The following TNFSF13B variants were observed in gnomAD, a reference collection of about 807,000 sequenced individuals.
The protein encoded by TNFSF13B is TNF superfamily member 13b.
A neutral mutation model predicts 29.1 loss-of-function variants in TNFSF13B; 8 were observed. The observed-to-expected ratio is 0.27, with a 90% CI of 0.16 to 0.50. The LOEUF (loss-of-function observed/expected upper bound fraction) is 0.50. TNFSF13B is among the 20% of genes least tolerant of loss of function. The pLI, the probability that TNFSF13B is intolerant of heterozygous loss-of-function variation, is 0.98. For synonymous variants in TNFSF13B, 125 were observed against 130.8 expected (o/e 0.96, Z 0.30); for missense variants, 248 against 334.9 (o/e 0.74, Z 2.03).
intron 3 of TNFSF13B, among the ~76,000 whole-genome samples, chr13:108,288,970 C>T (rs923935466): frequency 3.9e-5 from 6 of 152,040 alleles, no homozygotes; most frequent in African/African-American, 1.4e-4. Flanking sequence ...TTTAATTGTC[C>T]TAAATGCAAC....
intron 2 of TNFSF13B, among the ~76,000 whole-genome samples, chr13:108,276,172 G>A (rs1566398371): frequency 6.6e-6 from 1 of 152,194 alleles, no homozygotes; most frequent in Non-Finnish European, 1.5e-5. Flanking sequence ...TGTAGAACTT[G>A]ACCATCCAGC....
At chr13:108,299,460 T>C (rs1881550359) in intron 3 of TNFSF13B, among the ~76,000 whole-genome samples, 1 of 109,496 alleles carries the variant, frequency 9.1e-6, no homozygotes, top group Non-Finnish European at 2.1e-5. Flanking sequence ...AGTTGTTCAC[T>C]TGTTTAGTAA....
At chr13:108,284,329 A>T (rs1231633206) in intron 2 of TNFSF13B, among the ~76,000 whole-genome samples, 9 of 139,722 alleles carry the variant, frequency 6.4e-5, no homozygotes, top group Non-Finnish European at 1.1e-4. Flanking sequence ...ACTCCGTCTC[A>T]AAAAATAAAT....
intron 2 of TNFSF13B, among the ~76,000 whole-genome samples, chr13:108,277,525 G>A (rs1194292267): frequency 6.6e-6 from 1 of 152,122 alleles, no homozygotes; most frequent in African/African-American, 2.4e-5. Flanking sequence ...CCCCCGGAGA[G>A]GGTTCTTGGA....
At chr13:108,301,326 A>G (rs936801199) in intron 3 of TNFSF13B, 9 of 152,222 alleles carry the variant, frequency 5.9e-5, no homozygotes, top group African/African-American at 2.2e-4. Flanking sequence ...TGGTGTGACC[A>G]TAGAAGAGAT....
In TNFSF13B at chr13:108,270,020, C is replaced by G; in HGVS notation, c.125C>G (p.Ser42Cys). 1.2e-6 allele frequency: 2 copies of G among 1,612,810 alleles called. No homozygotes were observed. The highest frequency in any genetic ancestry group is 1.7e-6 in the Non-Finnish European group (2 of 1,180,022). Residue 42 changes from serine to cysteine, a missense_variant, in exon 1 of 6, where the codon TCC becomes TGC. Transcript: ENST00000375887. ...AAGGAAAGCCCCTCTGTCCGATCCT[C>G]CAAAGACGGAAAGCTGCTGGCTGCA... ...PRKESPSVRS[S>C]KDGKLLAATL...
chr13:108,269,825 T>C lies in TNFSF13B; in HGVS notation c.-71T>C. The C allele has an allele frequency of 2.2e-6, 3 of 1,372,804 alleles. No homozygotes were observed. The highest frequency in any genetic ancestry group is 3.0e-6 in the Non-Finnish European group (3 of 1,003,712). The allele number at this position is 1,372,804 out of a possible 1,614,324, so 85.0% of individuals were successfully genotyped here. A position where few individuals can be genotyped will look rare whatever the true frequency, so the allele number is the denominator to read the frequency against. On this transcript the variant is annotated 5_prime_UTR_variant, in exon 1 of 6. Coordinates refer to ENST00000375887, the MANE Select transcript of TNFSF13B (RefSeq NM_006573.5). ...CACGCAGGACATCAACAAACACAGA[T>C]AACAGGAAATGATCCATTCCCTGTG...
chr13:108,294,888 T>C (rs1881424408), intron 3 of TNFSF13B, among the ~76,000 whole-genome samples: 1 of 145,432 alleles, frequency 6.9e-6, no homozygotes, highest in Admixed American at 6.8e-5. Context: ...TCTACACTGG[T>C]TATAGGTCTG....
chr13:108,290,235 A>T (rs1881266486), intron 3 of TNFSF13B, among the ~76,000 whole-genome samples: 1 of 152,194 alleles, frequency 6.6e-6, no homozygotes. Flanking sequence ...TCATATGAAA[A>T]AAAAAGCAGC....
At chr13:108,289,792 T>A (rs1881255500) in intron 3 of TNFSF13B, among the ~76,000 whole-genome samples, 3 of 151,970 alleles carry the variant, frequency 2.0e-5, no homozygotes, top group Non-Finnish European at 1.5e-5. Flanking sequence ...CTATGCTTGC[T>A]CTGCCCCATA....
At chr13:108,296,516 C>T (rs1881462369) in intron 3 of TNFSF13B, among the ~76,000 whole-genome samples, 1 of 145,350 alleles carries the variant, frequency 6.9e-6, no homozygotes, top group African/African-American at 2.6e-5. Context: ...CTCTGGTAGG[C>T]AGAATATAAT....
At position 108,270,151 on chromosome 13, in the gene TNFSF13B, C is replaced by A; in HGVS notation, c.256C>A (p.His86Asn). The A allele has an allele frequency of 2.5e-6, 4 of 1,602,086 alleles. No homozygotes were observed. The highest frequency in any genetic ancestry group is 3.4e-6 in the Non-Finnish European group (4 of 1,179,798). The change falls in exon 1 of 6, where the codon CAC (histidine) becomes AAC (asparagine). Residue 86 changes from histidine to asparagine, a missense_variant. Coordinates refer to ENST00000375887, the MANE Select transcript of TNFSF13B (RefSeq NM_006573.5). ...CAGCCTCCGGGCAGAGCTGCAGGGC[C>A]ACCACGCGGAGAAGCTGCCAGCAGG... ...LASLRAELQGHHAEKLPAGAG... is the reference protein window; with the variant it reads ...LASLRAELQGNHAEKLPAGAG...
intron 5 of TNFSF13B, among the ~76,000 whole-genome samples, chr13:108,304,663 G>A (rs992674067): frequency 6.6e-6 from 1 of 152,152 alleles, no homozygotes; most frequent in Admixed American, 6.5e-5. Flanking sequence ...GATGGTTACC[G>A]TGAATGACCG....
chr13:108,277,555 CG>C (rs1880796116), intron 2 of TNFSF13B, among the ~76,000 whole-genome samples: 1 of 151,980 alleles, frequency 6.6e-6, no homozygotes, highest in Non-Finnish European at 1.5e-5. Flanking sequence ...AGAAAAAATT[CG>C]GGGCGAATCC....
Position 108,306,810 on chromosome 13 carries a change from A to T in TNFSF13B, c.746-16A>T. 1 of 1,477,024 alleles carries T rather than the reference A, an allele frequency of 6.8e-7. No homozygotes were observed. Among genetic ancestry groups the T allele is most frequent in the Non-Finnish European group, 9.5e-7 (1 of 1,056,852 alleles). 91.5% of individuals were successfully genotyped at this position (1,477,024 alleles called of 1,614,324 possible). A position where few individuals can be genotyped will look rare whatever the true frequency, so the allele number is the denominator to read the frequency against. ...TGTATAACCACTTATAGTTCTTGTA[A>T]ATCATTTTTTCCCAGGCATTGCAAA... On this transcript the variant is annotated splice_polypyrimidine_tract_variant and intron_variant, in intron 5 of 5. Coordinates refer to ENST00000375887, the MANE Select transcript of TNFSF13B (RefSeq NM_006573.5).
chr13:108,300,788 G>A (rs1881600176), intron 3 of TNFSF13B, among the ~76,000 whole-genome samples: 1 of 152,182 alleles, frequency 6.6e-6, no homozygotes, highest in African/African-American at 2.4e-5. Flanking sequence ...CTTGGTGAGA[G>A]ACAGTGACAG....
At chr13:108,270,967 A>ACG (rs1358027501) in intron 2 of TNFSF13B, among the ~76,000 whole-genome samples, 1 of 152,040 alleles carries the variant, frequency 6.6e-6, no homozygotes, top group Non-Finnish European at 1.5e-5. Context: ...ACACACACAC[A>ACG]CACGCACAGA....
chr13:108,281,548 C>A (rs1461098271), intron 2 of TNFSF13B, among the ~76,000 whole-genome samples: 2 of 152,136 alleles, frequency 1.3e-5, no homozygotes, highest in South Asian at 2.1e-4. Context: ...ATCACTGAGA[C>A]CTTTGCTGCC....
At chr13:108,300,657 A>G (rs908934403) in intron 3 of TNFSF13B, among the ~76,000 whole-genome samples, 6 of 152,344 alleles carry the variant, frequency 3.9e-5, no homozygotes, top group Non-Finnish European at 7.3e-5. Context: ...TGCATTTGTA[A>G]TTTGTCATTG....
Sources: gnomAD v4.1 joint callset for allele counts (sites outside exome capture counted in the v4.1 genomes callset) on GRCh38, gnomAD v4.1.1 for gene constraint, MANE v1.5 for transcripts, NCBI Gene and HGNC (gene_info 2026-07-23, HGNC 2026-07-21) for gene names.